The following GLIS2 variants were observed in gnomAD, a reference collection of about 807,000 sequenced individuals.
GLIS2 encodes zinc finger protein GLIS2.
GLIS2 carries 14 observed loss-of-function variants against 35.6 expected under a neutral mutation model. That is an observed-to-expected ratio of 0.39 (90% confidence interval 0.26 to 0.61). The LOEUF is 0.61. Among genes scored for constraint, GLIS2 ranks in the 20% least tolerant of loss-of-function variants. The probability of loss-of-function intolerance (pLI) is 0.48; values close to 1 mark genes in which losing one functional copy is unlikely to be tolerated. For synonymous variants in GLIS2, 368 were observed against 325.1 expected (o/e 1.13, Z -1.42); for missense variants, 675 against 713.4 (o/e 0.95, Z 0.61).
In GLIS2 at chr16:4,337,958, C is replaced by T. The variant is rs2053576735; in HGVS notation, c.*434C>T. The T allele has an allele frequency of 6.2e-6, 2 of 321,166 alleles. No individual in the cohort carries two copies. The highest frequency in any genetic ancestry group is 1.2e-5 in the Non-Finnish European group (2 of 167,148). The allele number at this position is 321,166 out of a possible 1,614,324, so 19.9% of individuals were successfully genotyped here. ...AGGCTCCCCCTTCCTGAGAGGAGCC[C>T]CCAGGGACCAGAGGCCTGCCCTTCC... is the stretch of plus-strand genomic sequence containing the variant. On this transcript the variant is annotated 3_prime_UTR_variant, in exon 7 of 7. Transcript: ENST00000433375.
intron 3 of GLIS2, 151 bp downstream of exon 3, chr16:4,333,670 GAA>G: frequency 1.1e-6 from 1 of 909,666 alleles, no homozygotes; most frequent in Non-Finnish European, 1.6e-6. Flanking sequence ...CTCTAGGGGA[GAA>G]CCTTCCCTGC....
Position 4,333,416 on chromosome 16 carries a change from T to G in GLIS2, c.242T>G (p.Leu81Arg). Residue 81 changes from leucine to arginine, a missense_variant, in exon 3 of 7, where the codon CTC becomes CGC. This residue lies in a region of GLIS2 where 225 missense variants were observed against 238.7 expected (regional missense o/e 0.94). Coordinates refer to ENST00000433375, the MANE Select transcript of GLIS2 (RefSeq NM_032575.3). ...GRFSAAPLVD[L>R]SLSPPSGLDS... The stretch of plus-strand genomic sequence containing the variant: ...TTTTCAGCAGCCCCTCTCGTGGACC[T>G]CAGCCTGTCACCACCATCTGGGCTG... 1 of 1,612,938 alleles carries G rather than the reference T, an allele frequency of 6.2e-7. No homozygotes were observed. The highest frequency in any genetic ancestry group is 8.5e-7 in the Non-Finnish European group (1 of 1,179,974).
At chr16:4,329,733 T>C (rs576054607) in intron 1 of GLIS2, among the ~76,000 whole-genome samples, 2 of 152,308 alleles carry the variant, frequency 1.3e-5, no homozygotes, top group South Asian at 4.1e-4. Context: ...CATGTAGTAG[T>C]TATGTCCACC....
intron 1 of GLIS2, among the ~76,000 whole-genome samples, chr16:4,322,801 C>T (rs755346847): frequency 2.0e-5 from 3 of 152,244 alleles, no homozygotes; most frequent in Admixed American, 6.5e-5. Flanking sequence ...TGGCGGGTGC[C>T]GTTCCCAGTG....
chr16:4,320,183 T>C lies in GLIS2; in HGVS notation c.-67+3929T>C, dbSNP rs546725209. On this transcript the variant is annotated intron_variant, in intron 1 of 6. Coordinates refer to ENST00000433375, the MANE Select transcript of GLIS2 (RefSeq NM_032575.3). This position sits in a 1 kb window ranked among gnomAD's most constrained non-coding sequence, Gnocchi z 5.6. ...ACGGACTCCAGCCTTGGCAGATGGC[T>C]GCCGGGGAAGGGACGGAGACCCAGC... Among the ~76,000 whole-genome samples the C allele has an allele frequency of 3.1e-4, 47 of 152,188 alleles. No homozygotes were observed. The highest frequency in any genetic ancestry group is 1.1e-3 in the African/African-American group (45 of 41,538).
intron 1 of GLIS2, among the ~76,000 whole-genome samples, chr16:4,317,703 T>C (rs2053329610): frequency 6.6e-6 from 1 of 151,918 alleles, no homozygotes; most frequent in Admixed American, 6.5e-5. Flanking sequence ...AGGACACCCT[T>C]TGCCAAGCTC....
chr16:4,326,759 T>C (rs1442848550), intron 1 of GLIS2, among the ~76,000 whole-genome samples: 2 of 109,850 alleles, frequency 1.8e-5, no homozygotes, highest in African/African-American at 1.3e-4. Context: ...CCAGCTATTT[T>C]TTTTTTTTTT....
chr16:4,319,019 G>A (rs570236142), intron 1 of GLIS2, among the ~76,000 whole-genome samples: 11 of 152,200 alleles, frequency 7.2e-5, no homozygotes, highest in Non-Finnish European at 1.0e-4. Flanking sequence ...TTTGTGGGTC[G>A]CCTGGCCTGA....
intron 1 of GLIS2, among the ~76,000 whole-genome samples, chr16:4,317,284 G>C (rs1304140285): frequency 6.6e-6 from 1 of 152,186 alleles, no homozygotes; most frequent in Non-Finnish European, 1.5e-5. Context: ...AGCCAGGCCG[G>C]CTGGGGACCT....
chr16:4,331,125 C>T lies in GLIS2; in HGVS notation c.-66-1090C>T, dbSNP rs185580222. 9.0e-3 allele frequency among the ~76,000 whole-genome samples: 1,371 copies of T among 152,026 alleles called. 21 individuals are homozygous for T. Among genetic ancestry groups the T allele is most frequent in the African/African-American group, 0.025 (1,023 of 41,404 alleles). On this transcript the variant is annotated intron_variant, in intron 1 of 6. Transcript: ENST00000433375. The stretch of plus-strand genomic sequence containing the variant: ...CCGAGTAGCTGGGACTACAGGCGCC[C>T]GCCACCACACCTGGCTAATTTTTTT...
chr16:4,333,977 C>A (rs1333123456), intron 3 of GLIS2, among the ~76,000 whole-genome samples: 1 of 152,166 alleles, frequency 6.6e-6, no homozygotes, highest in Non-Finnish European at 1.5e-5. Flanking sequence ...AGTCTTGCTT[C>A]ATTGCCCAGG....
rs2053568590 is a variant in GLIS2 at position 4,337,427 on chromosome 16, G to A, written c.1478G>A (p.Gly493Asp). The change falls in exon 7 of 7, where the codon GGC becomes GAC. Residue 493 changes from glycine (G) to aspartate (D), a missense_variant. By Grantham distance (94) the Gly-to-Asp change is moderately conservative (BLOSUM62 -1). Transcript: ENST00000433375. ...GGCACCGTGCTGGACCTGTCCACGG[G>A]CGTCAACTCAGCTGCCAGCAGCCCA... ...LPGTVLDLST[G>D]VNSAASSPEA... The A allele has an allele frequency of 1.3e-6, 2 of 1,584,590 alleles. No individual in the cohort carries two copies. Among genetic ancestry groups the A allele is most frequent in the East Asian group, 2.3e-5 (1 of 43,636 alleles).
In GLIS2 at chr16:4,323,662, C is replaced by T. The variant is rs188466993; in HGVS notation, c.-67+7408C>T. On this transcript the variant is annotated intron_variant, in intron 1 of 6. Transcript: ENST00000433375. ...CTGGTGGGGCATCTCCTAGGAAGCC[C>T]GGGCTGGTGCAGGCCAGGGAAGCCC... Among the ~76,000 whole-genome samples, 52 of 152,266 alleles carry T rather than the reference C, an allele frequency of 3.4e-4. No individual in the cohort carries two copies. In the East Asian group the frequency reaches 8.3e-3, roughly 24 times the overall value.
chr16:4,318,376 G>T (rs1446156193), intron 1 of GLIS2, among the ~76,000 whole-genome samples: 1 of 152,202 alleles, frequency 6.6e-6, no homozygotes, highest in Non-Finnish European at 1.5e-5. Context: ...GGGGAGGAAA[G>T]AGGGTGTAAA....
chr16:4,331,621 C>G (rs1198924709), intron 1 of GLIS2: 2 of 156,502 alleles, frequency 1.3e-5, no homozygotes, highest in African/African-American at 4.8e-5. Flanking sequence ...CACTTCTGAG[C>G]TCTGCGATCT....
At position 4,333,520 on chromosome 16, in the gene GLIS2, G is replaced by A; in HGVS notation, c.345+1G>A. The A allele has an allele frequency of 6.2e-7, 1 of 1,607,984 alleles. No homozygotes were observed. The highest frequency in any genetic ancestry group is 8.5e-7 in the Non-Finnish European group (1 of 1,177,170). Reference sequence around the variant, plus strand: ...CCTGCCTCCAGTGCCCAGTGCCTCGGTAAGGAGGGGTGAGAGTTCCGGAGA... The same window carrying A: ...CCTGCCTCCAGTGCCCAGTGCCTCGATAAGGAGGGGTGAGAGTTCCGGAGA... On this transcript the variant is annotated splice_donor_variant, in intron 3 of 6. Coordinates refer to ENST00000433375, the MANE Select transcript of GLIS2 (RefSeq NM_032575.3). LOFTEE classifies it high-confidence loss of function.
intron 1 of GLIS2, among the ~76,000 whole-genome samples, chr16:4,323,764 A>AC (rs2053402339): frequency 6.6e-6 from 1 of 152,026 alleles, no homozygotes; most frequent in African/African-American, 2.4e-5. Flanking sequence ...TGTGCAGGGA[A>AC]CCCCCAGCCT....
chr16:4,337,421 C>T lies in GLIS2; in HGVS notation c.1472C>T (p.Ser491Phe). ...PLLPGTVLDL[S>F]TGVNSAASSP... The stretch of plus-strand genomic sequence containing the variant: ...CTGCCAGGCACCGTGCTGGACCTGT[C>T]CACGGGCGTCAACTCAGCTGCCAGC... Residue 491 changes from serine (S) to phenylalanine (F), a missense_variant, in exon 7 of 7, where the codon TCC (serine) becomes TTC (phenylalanine). By Grantham distance (155) the Ser-to-Phe change is radical. This residue lies in a region of GLIS2 where 317 missense variants were observed against 283.2 expected (regional missense o/e 1.12). Transcript: ENST00000433375. The T allele has an allele frequency of 6.3e-7, 1 of 1,585,742 alleles. No individual in the cohort carries two copies. The highest frequency in any genetic ancestry group is 8.6e-7 in the Non-Finnish European group (1 of 1,167,918).
At chr16:4,322,204 G>A (rs1241468552) in intron 1 of GLIS2, among the ~76,000 whole-genome samples, 1 of 152,126 alleles carries the variant, frequency 6.6e-6, no homozygotes. Flanking sequence ...AGGAGGCTCT[G>A]GGCTGAGAGA....
Sources: allele counts gnomAD v4.1 joint callset (sites outside exome capture counted in the v4.1 genomes callset), GRCh38; gene constraint gnomAD v4.1.1; regional missense constraint gnomAD v4.1.1; non-coding constraint Gnocchi (gnomAD v3.1); transcripts MANE v1.5; gene names NCBI Gene and HGNC (gene_info 2026-07-23, HGNC 2026-07-21).